CPSF4L: variants seen among roughly 807,000 people sequenced by gnomAD.
CPSF4L encodes putative cleavage and polyadenylation specificity factor subunit 4-like protein.
In CPSF4L, 18 loss-of-function variants were observed where a neutral mutation model predicts 24.0. That is an observed-to-expected ratio of 0.75 (90% CI 0.52 to 1.11). The LOEUF (loss-of-function observed/expected upper bound fraction) is 1.11. CPSF4L is among the 50% of genes least tolerant of loss of function. The pLI, the probability that CPSF4L is intolerant of heterozygous loss-of-function variation, is 0.00. For missense variants in CPSF4L, 211 were observed against 221.8 expected, an observed-to-expected ratio of 0.95 and a Z score of 0.31; for synonymous variants, 72 against 77.2, an observed-to-expected ratio of 0.93 and a Z score of 0.35.
chr17:73,251,085 C>G (rs755656804), intron 5 of CPSF4L: 1 of 1,547,370 alleles, frequency 6.5e-7, no homozygotes, highest in Non-Finnish European at 8.7e-7. Context: ...TGCTGAATCC[C>G]GGGGCCGGCT....
chr17:73,248,442 T>A (rs369170130), downstream of CPSF4L: 39 of 1,493,856 alleles, frequency 2.6e-5, no homozygotes, highest in African/African-American at 2.9e-4. Flanking sequence ...GTAAAAGTCG[T>A]GTTCTGCCCT....
the CPSF4L span, chr17:73,242,385 C>T: frequency 1.0e-3 from 1,482 of 1,434,384 alleles, 32 homozygotes; most frequent in Admixed American, 0.032. Context: ...TCTTCTGTTG[C>T]AGGTTCTGGG....
chr17:73,261,021 C>T, intron 1 of CPSF4L, 38 bp from the exon 2 acceptor site: 1 of 1,520,062 alleles, frequency 6.6e-7, no homozygotes, highest in Non-Finnish European at 8.9e-7. Flanking sequence ...GTAGCTTCCC[C>T]AGAGGCTGCA....
chr17:73,251,322 G>A (rs935878402), intron 5 of CPSF4L, among the ~76,000 whole-genome samples: 8 of 152,024 alleles, frequency 5.3e-5, no homozygotes, highest in Non-Finnish European at 8.8e-5. Context: ...CCCACAGATC[G>A]CCTCCCACCT....
downstream of CPSF4L, chr17:73,247,363 A>AGCCTTCGTGACTTCTCTCTAGT: frequency 1.2e-6 from 2 of 1,613,558 alleles, no homozygotes; most frequent in Non-Finnish European, 1.7e-6. Context: ...AAGTAGGAGA[A>AGCCTTCGTGACTTCTCTCTAGT]GCCTTCGTGA....
chr17:73,248,571 A>G (rs1428203207), intron 5 of CPSF4L, 35 bp from the exon 6 acceptor site: 2 of 1,549,004 alleles, frequency 1.3e-6, no homozygotes, highest in Non-Finnish European at 1.7e-6. Flanking sequence ...GTGAGAATCC[A>G]TACACGTAAT....
At chr17:73,250,052 C>T (rs1294536271) in intron 5 of CPSF4L, 4 of 488,952 alleles carry the variant, frequency 8.2e-6, no homozygotes, top group Non-Finnish European at 1.1e-5. Context: ...TGCCAATCTG[C>T]CTCCAAACCT....
intron 3 of CPSF4L, among the ~76,000 whole-genome samples, chr17:73,257,332 C>A (rs763561307): frequency 4.6e-5 from 7 of 151,990 alleles, no homozygotes; most frequent in Non-Finnish European, 7.4e-5. Context: ...GCCTGATATT[C>A]GAGAAGTTCT....
At chr17:73,261,664 G>GAA in intron 1 of CPSF4L, 52 bp downstream of exon 1, 5 of 1,233,496 alleles carry the variant, frequency 4.1e-6, no homozygotes, top group South Asian at 1.3e-5. Flanking sequence ...CCGTCTCAAA[G>GAA]AAAAAAAAAC....
At chr17:73,259,448 T>C (rs990521547) in intron 2 of CPSF4L, among the ~76,000 whole-genome samples, 1 of 152,196 alleles carries the variant, frequency 6.6e-6, no homozygotes, top group South Asian at 2.1e-4. Flanking sequence ...CTCAAAGTGC[T>C]GGAATTACAA....
chr17:73,256,086 CTG>C (rs1207231029), intron 3 of CPSF4L, among the ~76,000 whole-genome samples: 4 of 152,210 alleles, frequency 2.6e-5, no homozygotes, highest in African/African-American at 9.7e-5. Flanking sequence ...GCTTACAAGT[CTG>C]TCCTCTACTA....
rs112949941 is a variant in CPSF4L, at chr17:73,250,826, G to A, written c.497+1804C>T. 168 of 570,196 alleles carry A rather than the reference G, an allele frequency of 2.9e-4. 3 individuals are homozygous for A. The South Asian group carries it at 6.0e-3, about 20-fold the overall frequency. 35.3% of individuals were successfully genotyped at this position (570,196 alleles called of 1,614,324 possible). A position where few individuals can be genotyped will look rare whatever the true frequency, so the allele number is the denominator to read the frequency against. On this transcript the variant is annotated intron_variant, in intron 5 of 5. Transcript: ENST00000344935. ...TCTTGTCTAGCAGGAGATGCCAACA[G>A]GATGGTTTACAGTATCCTCTCATTC...
chr17:73,261,096 A>G (rs1172034613), intron 1 of CPSF4L, 113 bp from the exon 2 acceptor site: 1 of 823,788 alleles, frequency 1.2e-6, no homozygotes, highest in Non-Finnish European at 1.9e-6. Flanking sequence ...GCTCTGGCCT[A>G]TGGGATCCCA....
chr17:73,246,086 G>A (rs1388013271), downstream of CPSF4L, among the ~76,000 whole-genome samples: 1 of 152,024 alleles, frequency 6.6e-6, no homozygotes, highest in East Asian at 1.9e-4. Flanking sequence ...GGAAATTTAG[G>A]CAACGTTGAT....
the CPSF4L span, chr17:73,243,073 C>G: frequency 5.4e-3 from 5,346 of 996,414 alleles, 221 homozygotes; most frequent in African/African-American, 0.11. Context: ...AAGGGATTCT[C>G]TGAATTTTTT....
At chr17:73,245,696 C>T, downstream of CPSF4L, 1 of 985,394 alleles carries the variant, frequency 1.0e-6, no homozygotes, top group Non-Finnish European at 1.2e-6. Flanking sequence ...GTGAGAAACA[C>T]AAGAGCTAAG....
downstream of CPSF4L, among the ~76,000 whole-genome samples, chr17:73,244,331 G>A (rs1375939511): frequency 1.3e-5 from 2 of 152,104 alleles, no homozygotes; most frequent in Non-Finnish European, 2.9e-5. Context: ...GGGAGGCCGA[G>A]GCTGGCAGAT....
At chr17:73,261,657 T>C (rs1443717827) in intron 1 of CPSF4L, 59 bp downstream of exon 1, 2 of 1,204,686 alleles carry the variant, frequency 1.7e-6, no homozygotes, top group African/African-American at 3.0e-5. Context: ...CGAGACTCCG[T>C]CTCAAAGAAA....
intron 2 of CPSF4L, 34 bp downstream of exon 2, chr17:73,260,899 C>A (rs1305447623): frequency 1.3e-6 from 2 of 1,542,874 alleles, no homozygotes; most frequent in Non-Finnish European, 1.8e-6. Context: ...CTACACTCAC[C>A]CAGCTTGGGG....
Sources: allele counts gnomAD v4.1 joint callset (sites outside exome capture counted in the v4.1 genomes callset), GRCh38; gene constraint gnomAD v4.1.1; transcripts MANE v1.5; gene names NCBI Gene and HGNC (gene_info 2026-07-23, HGNC 2026-07-21).